The following RGSL1 variants were observed in gnomAD, a reference collection of about 807,000 sequenced individuals.
The protein encoded by RGSL1 is regulator of G protein signaling like 1, also known as regulator of G protein signaling protein-like.
Under a neutral mutation model 124.7 loss-of-function variants are expected in RGSL1, and 97 were observed. The observed-to-expected ratio is 0.78, with a 90% CI of 0.66 to 0.92. The LOEUF (loss-of-function observed/expected upper bound fraction) is 0.92, where lower values mean the gene tolerates loss of function less well. RGSL1 is among the 40% of genes least tolerant of loss of function. The probability of loss-of-function intolerance (pLI) is 0.00; values close to 1 mark genes in which losing one functional copy is unlikely to be tolerated. For missense variants in RGSL1, 1,233 were observed against 1,288.4 expected (o/e 0.96, Z 0.66); for synonymous variants, 424 against 438.1 (o/e 0.97, Z 0.40).
intron 9 of RGSL1, among the ~76,000 whole-genome samples, chr1:182,509,471 G>A (rs1429730146): frequency 4.9e-5 from 3 of 60,912 alleles, no homozygotes; most frequent in East Asian, 3.4e-4. Context: ...CCCGGACGGG[G>A]CGGCTGGCCA....
chr1:182,496,313 G>A (rs985539968), intron 9 of RGSL1, among the ~76,000 whole-genome samples: 3 of 152,128 alleles, frequency 2.0e-5, no homozygotes, highest in African/African-American at 7.2e-5. Context: ...CCTCCCACCA[G>A]GCCCCACCTC....
chr1:182,533,392 A>G (rs544396118), intron 14 of RGSL1, among the ~76,000 whole-genome samples: 5 of 150,312 alleles, frequency 3.3e-5, no homozygotes, highest in African/African-American at 1.2e-4. Context: ...TAAAATGTCC[A>G]TTATATGGAT....
At chr1:182,458,604 GGACCACA>G (rs1427969741) in intron 3 of RGSL1, among the ~76,000 whole-genome samples, 1 of 152,022 alleles carries the variant, frequency 6.6e-6, no homozygotes, top group Non-Finnish European at 1.5e-5. Context: ...CAAATAGCTG[GGACCACA>G]CAGGCACATG....
chr1:182,463,128 T>A (rs866367008), intron 4 of RGSL1, among the ~76,000 whole-genome samples: 1 of 151,668 alleles, frequency 6.6e-6, no homozygotes. Flanking sequence ...CCCGTCTCTA[T>A]TAAAAATACA....
chr1:182,556,380 C>G (rs59229376), intron 21 of RGSL1, among the ~76,000 whole-genome samples, 158 bp downstream of exon 21: 1 of 152,184 alleles, frequency 6.6e-6, no homozygotes, highest in Non-Finnish European at 1.5e-5. Context: ...ATGTAAAGAT[C>G]ACTGAAGGCA....
chr1:182,505,339 G>T (rs474403), intron 9 of RGSL1, among the ~76,000 whole-genome samples: 127,531 of 152,188 alleles, frequency 0.84, 53,737 homozygotes, highest in Non-Finnish European at 0.87. Flanking sequence ...ATTACAATAT[G>T]GGCTGCTGTC....
chr1:182,458,725 G>A (rs560727066), intron 3 of RGSL1, among the ~76,000 whole-genome samples: 2 of 152,076 alleles, frequency 1.3e-5, no homozygotes, highest in South Asian at 2.1e-4. Context: ...CACCCGCCTC[G>A]GCCTCCCAAA....
At position 182,501,239 on chromosome 1, in the gene RGSL1, A is replaced by G. The variant is rs138373403; in HGVS notation, c.1825+8110A>G. On this transcript the variant is annotated intron_variant, in intron 9 of 21. Transcript: ENST00000294854. ...TCCTTTTTCTCTGTCAATTGAGATG[A>G]TTTTCGTCCTTCCTTTCTCTCTTTC... Among the ~76,000 whole-genome samples the G allele has an allele frequency of 6.5e-5, 7 of 107,016 alleles. No homozygotes were observed. In the East Asian group the frequency reaches 2.0e-3, roughly 31 times the overall value. The allele number at this position is 107,016 out of a possible 152,430, so 70.2% of individuals were successfully genotyped here.
In RGSL1 at chr1:182,532,812, C is replaced by T. The variant is rs998511525; in HGVS notation, c.2494+21C>T. The T allele has an allele frequency of 5.2e-6, 8 of 1,543,390 alleles. No individual in the cohort carries two copies. In the African/African-American group the frequency reaches 9.6e-5, roughly 19 times the overall value. ...GGAAAGTAAGTCATTTCTGTATTTA[C>T]CCCCACTCCCTGTTGATATTTTAGC... On this transcript the variant is annotated intron_variant, in intron 14 of 21. Transcript: ENST00000294854.
At chr1:182,546,696 C>T (rs1246615681) in intron 15 of RGSL1, among the ~76,000 whole-genome samples, 1 of 152,160 alleles carries the variant, frequency 6.6e-6, no homozygotes, top group Non-Finnish European at 1.5e-5. Context: ...CAGCCAACAA[C>T]ACTTTTTTAA....
intron 6 of RGSL1, among the ~76,000 whole-genome samples, chr1:182,482,468 T>G (rs1654781497): frequency 6.6e-6 from 1 of 152,192 alleles, no homozygotes; most frequent in Non-Finnish European, 1.5e-5. Flanking sequence ...AAAGTAAAAC[T>G]ATCATGCCTC....
intron 3 of RGSL1, among the ~76,000 whole-genome samples, chr1:182,459,114 G>GCC (rs1652592852): frequency 6.6e-6 from 1 of 152,154 alleles, no homozygotes; most frequent in Non-Finnish European, 1.5e-5. Flanking sequence ...GGAAGTGGCA[G>GCC]CCCATGGGCC....
chr1:182,509,258 G>C (rs1472482831), intron 9 of RGSL1, among the ~76,000 whole-genome samples: 1 of 53,476 alleles, frequency 1.9e-5, no homozygotes. Flanking sequence ...TCCCAGTAGG[G>C]GCGGCCGGGC....
At chr1:182,505,150 T>G (rs1192387858) in intron 9 of RGSL1, among the ~76,000 whole-genome samples, 1 of 152,208 alleles carries the variant, frequency 6.6e-6, no homozygotes. Context: ...ATCCTTAAAT[T>G]CTTTTAGTAA....
At chr1:182,501,307 C>CTTTTTTTTTTTTTTTT (rs141279993) in intron 9 of RGSL1, among the ~76,000 whole-genome samples, 76 of 61,356 alleles carry the variant, frequency 1.2e-3, no homozygotes, top group East Asian at 2.3e-3. Flanking sequence ...TTTTTCTTTT[C>CTTTTTTTTTTTTTTTT]TTTTTTTTTT....
Position 182,460,227 on chromosome 1 carries a change from TA to T in RGSL1, c.301+95del. 2.8e-6 allele frequency: 4 copies of T among 1,409,016 alleles called. No homozygotes were observed. In the African/African-American group the frequency reaches 5.4e-5, roughly 19 times the overall value. 87.3% of individuals were successfully genotyped at this position (1,409,016 alleles called of 1,614,324 possible). On this transcript the variant is annotated intron_variant, in intron 4 of 21. Transcript: ENST00000294854. ...ACACTTCATAATAATCTTATGCCTG[TA>T]TGTGTGTGTGTGTGTGTGTAGAAAT...
intron 16 of RGSL1, 95 bp downstream of exon 16, chr1:182,548,550 C>G: frequency 6.6e-7 from 1 of 1,521,454 alleles, no homozygotes; most frequent in Non-Finnish European, 8.9e-7. Flanking sequence ...CCTCATAAGT[C>G]CTGGCTAACT....
intron 9 of RGSL1, among the ~76,000 whole-genome samples, chr1:182,501,475 C>T (rs540661257): frequency 2.0e-5 from 3 of 151,516 alleles, no homozygotes; most frequent in Admixed American, 6.6e-5. Context: ...TGTACCATTA[C>T]GCCTGGCTAA....
chr1:182,504,686 C>T (rs546416362), intron 9 of RGSL1, among the ~76,000 whole-genome samples: 1 of 152,156 alleles, frequency 6.6e-6, no homozygotes, highest in East Asian at 1.9e-4. Context: ...TATTCTTCAT[C>T]ATATGTGGCC....
Sources: allele counts gnomAD v4.1 joint callset (sites outside exome capture counted in the v4.1 genomes callset), GRCh38; gene constraint gnomAD v4.1.1; transcripts MANE v1.5; gene names NCBI Gene and HGNC (gene_info 2026-07-23, HGNC 2026-07-21).